Variants in PCBP3 observed in about 807,000 individuals in gnomAD.
The protein encoded by PCBP3 is poly(rC)-binding protein 3.
Under a neutral mutation model 52.7 loss-of-function variants are expected in PCBP3, and 25 were observed. That is an observed-to-expected ratio of 0.47 (90% CI 0.35 to 0.66). The LOEUF (loss-of-function observed/expected upper bound fraction) is 0.66, where lower values mean the gene tolerates loss of function less well. Ranked by LOEUF, PCBP3 falls within the 30% of genes least tolerant of loss-of-function variation. The probability of loss-of-function intolerance (pLI) is 0.01; values close to 1 mark genes in which losing one functional copy is unlikely to be tolerated. For missense variants in PCBP3, 391 were observed against 490.3 expected (o/e 0.80, Z 1.91); for synonymous variants, 162 against 183.0 (o/e 0.89, Z 0.93).
chr21:45,743,243 A>T (rs1330703945), intron 3 of PCBP3, among the ~76,000 whole-genome samples: 2 of 152,226 alleles, frequency 1.3e-5, no homozygotes, highest in African/African-American at 4.8e-5. Context: ...ATATATTTGA[A>T]TGTGGTCACA....
chr21:45,740,621 A>T (rs1381442154), intron 3 of PCBP3, among the ~76,000 whole-genome samples: 8 of 150,380 alleles, frequency 5.3e-5, no homozygotes, highest in African/African-American at 1.7e-4. Flanking sequence ...TGGTGTGTGT[A>T]GTGTGTGTGT....
At chr21:45,925,246 C>A (rs545229466) in intron 13 of PCBP3, among the ~76,000 whole-genome samples, 125 of 152,332 alleles carry the variant, frequency 8.2e-4, no homozygotes, top group African/African-American at 2.9e-3. Context: ...TCTCATTCCA[C>A]TAGAGGGAGA....
Position 45,805,885 on chromosome 21 carries a change from G to A in PCBP3, c.-125-44076G>A, listed in dbSNP as rs1179881118. ...GATGGTCCTGAGGAAAGGAGGGCGA[G>A]AGCAGAGCTGGGGGGGCGGGCCATG... is the stretch of plus-strand genomic sequence containing the variant. On this transcript the variant is annotated intron_variant, in intron 4 of 17. Transcript: ENST00000681687. This position sits in a 1 kb window ranked among gnomAD's most constrained non-coding sequence, Gnocchi z 4.6. Among the ~76,000 whole-genome samples the A allele has an allele frequency of 2.0e-5, 3 of 152,136 alleles. No homozygotes were observed. Among genetic ancestry groups the A allele is most frequent in the Non-Finnish European group, 4.4e-5 (3 of 68,014 alleles).
At chr21:45,760,134 A>G (rs1231074292) in intron 4 of PCBP3, 2 of 152,192 alleles carry the variant, frequency 1.3e-5, no homozygotes, top group Admixed American at 6.5e-5. Flanking sequence ...ACACAAGTGG[A>G]GATAATTTGA....
intron 2 of PCBP3, among the ~76,000 whole-genome samples, chr21:45,676,755 A>T (rs1428309021): frequency 6.6e-6 from 1 of 151,896 alleles, no homozygotes; most frequent in Admixed American, 6.6e-5. Flanking sequence ...AGGGTTGCAC[A>T]TCTCTCATTT....
intron 5 of PCBP3, among the ~76,000 whole-genome samples, chr21:45,884,529 G>A (rs1234931660): frequency 6.6e-6 from 1 of 151,990 alleles, no homozygotes; most frequent in East Asian, 1.9e-4. Flanking sequence ...CAACATGCAT[G>A]CACATCTAAA....
chr21:45,897,075 C>T (rs1302119571), intron 6 of PCBP3, among the ~76,000 whole-genome samples: 1 of 152,252 alleles, frequency 6.6e-6, no homozygotes. Flanking sequence ...CTGACACTGC[C>T]TGGGTCATTG....
At position 45,940,016 on chromosome 21, in the gene PCBP3, G is replaced by A. The variant is rs760260973; in HGVS notation, c.910-14G>A. 136 of 1,610,512 alleles carry A rather than the reference G, an allele frequency of 8.4e-5. No homozygotes were observed. Among genetic ancestry groups the A allele is most frequent in the Middle Eastern group, 1.7e-4 (1 of 6,048 alleles). On this transcript the variant is annotated splice_polypyrimidine_tract_variant and intron_variant, in intron 16 of 17. Coordinates refer to ENST00000681687, the MANE Select transcript of PCBP3 (RefSeq NM_001384156.1). ...GGGCTGTTCTCTAAGAAATCCCCCC[G>A]TCCTTGTTTCTAGCTAATAGGCTGC... is the stretch of plus-strand genomic sequence containing the variant.
intron 5 of PCBP3, among the ~76,000 whole-genome samples, chr21:45,889,761 C>G (rs944467873): frequency 6.6e-5 from 10 of 152,242 alleles, no homozygotes; most frequent in African/African-American, 2.4e-4. Flanking sequence ...TCAGCCCTCA[C>G]GTGCTTGTCC....
chr21:45,858,213 GC>G (rs1418542025), intron 5 of PCBP3: 2 of 152,336 alleles, frequency 1.3e-5, no homozygotes, highest in East Asian at 3.8e-4. Context: ...AGGACCTGTT[GC>G]CTGGGATTTT....
At position 45,941,735 on chromosome 21, in the gene PCBP3, C is replaced by G; in HGVS notation, c.*29C>G. 6.3e-7 allele frequency: 1 copy of G among 1,590,906 alleles called. No individual in the cohort carries two copies. The highest frequency in any genetic ancestry group is 8.6e-7 in the Non-Finnish European group (1 of 1,167,180). ...TACCCAGCACCCTTCCCCCGCGTCA[C>G]CCACCTGCCAGAGCCTAAGGCCCCC... On this transcript the variant is annotated 3_prime_UTR_variant, in exon 18 of 18. Transcript: ENST00000681687.
At chr21:45,832,955 A>G (rs2093487809) in intron 4 of PCBP3, among the ~76,000 whole-genome samples, 1 of 152,106 alleles carries the variant, frequency 6.6e-6, no homozygotes, top group Non-Finnish European at 1.5e-5. Flanking sequence ...CTATCATGAG[A>G]ACGGTATGGT....
At chr21:45,796,256 A>C (rs1250313850) in intron 4 of PCBP3, among the ~76,000 whole-genome samples, 2 of 152,252 alleles carry the variant, frequency 1.3e-5, no homozygotes, top group East Asian at 3.9e-4. Context: ...AAAAAAATCT[A>C]TAGGTAACTG....
At chr21:45,905,763 T>C (rs1487194707) in intron 9 of PCBP3, among the ~76,000 whole-genome samples, 1 of 152,176 alleles carries the variant, frequency 6.6e-6, no homozygotes, top group African/African-American at 2.4e-5. Flanking sequence ...GGGTCTACTG[T>C]AGGGACCCCA....
intron 6 of PCBP3, among the ~76,000 whole-genome samples, chr21:45,898,295 ACACCG>A (rs1569466287): frequency 1.5e-5 from 1 of 68,476 alleles, no homozygotes; most frequent in African/African-American, 5.2e-5. Context: ...GCCCCTCTGC[ACACCG>A]TCCTCACAGT....
intron 1 of PCBP3, among the ~76,000 whole-genome samples, chr21:45,660,527 T>C (rs1460434009): frequency 1.3e-5 from 2 of 152,228 alleles, no homozygotes; most frequent in Admixed American, 6.5e-5. Context: ...CAATGTCTTT[T>C]TGAATTTTCT....
chr21:45,707,810 G>A (rs2083554667), intron 2 of PCBP3, among the ~76,000 whole-genome samples: 1 of 152,192 alleles, frequency 6.6e-6, no homozygotes, highest in Admixed American at 6.5e-5. Context: ...GGGAGAGAGT[G>A]GGGCCATCAC....
chr21:45,927,749 C>A (rs1045464192), intron 13 of PCBP3, among the ~76,000 whole-genome samples: 18 of 152,170 alleles, frequency 1.2e-4, no homozygotes, highest in Admixed American at 5.9e-4. Flanking sequence ...GCAGCCACAG[C>A]TGCTGCTCAC....
intron 11 of PCBP3, 23 bp downstream of exon 11, chr21:45,911,053 A>G (rs999456534): frequency 1.9e-6 from 3 of 1,605,070 alleles, no homozygotes; most frequent in Non-Finnish European, 2.5e-6. Flanking sequence ...CGCCAGGGCC[A>G]GCCCACGTCA....
Sources: gnomAD v4.1 joint callset for allele counts (sites outside exome capture counted in the v4.1 genomes callset) on GRCh38, gnomAD v4.1.1 for gene constraint, Gnocchi (gnomAD v3.1) non-coding constraint, MANE v1.5 for transcripts, NCBI Gene and HGNC (gene_info 2026-07-23, HGNC 2026-07-21) for gene names.